Variants in MKLN1 observed in about 807,000 individuals in gnomAD.
MKLN1 encodes the protein muskelin.
In MKLN1, 18 loss-of-function variants were observed where a neutral mutation model predicts 99.0. The ratio of observed to expected loss-of-function variants is 0.18; its 90% CI spans 0.13 to 0.27. The LOEUF is 0.27. Ranked by LOEUF, MKLN1 falls within the 10% of genes least tolerant of loss-of-function variation. The probability of loss-of-function intolerance (pLI) is 1.00; values close to 1 mark genes in which losing one functional copy is unlikely to be tolerated. For missense variants in MKLN1, 621 were observed against 875.9 expected, an observed-to-expected ratio of 0.71 and a Z score of 3.67; for synonymous variants, 288 against 293.2, an observed-to-expected ratio of 0.98 and a Z score of 0.18.
At chr7:131,424,613 G>A (rs1225492139) in intron 8 of MKLN1, among the ~76,000 whole-genome samples, 1 of 150,480 alleles carries the variant, frequency 6.6e-6, no homozygotes, top group East Asian at 2.0e-4. Context: ...GGTACTACTG[G>A]TAGTCGGTAG....
intron 1 of MKLN1, among the ~76,000 whole-genome samples, chr7:131,329,626 C>T (rs1261451799): frequency 6.6e-6 from 1 of 152,166 alleles, no homozygotes; most frequent in Non-Finnish European, 1.5e-5. Context: ...CAGGACGTCA[C>T]TCCTTAAATT....
At chr7:131,342,020 T>C (rs1799421893) in intron 1 of MKLN1, among the ~76,000 whole-genome samples, 2 of 152,240 alleles carry the variant, frequency 1.3e-5, no homozygotes, top group Admixed American at 1.3e-4. Flanking sequence ...TTATGAATAA[T>C]GCTGCTATAA....
At chr7:131,209,627 G>A (rs1165668807) in intron 3 of MKLN1, among the ~76,000 whole-genome samples, 1 of 152,204 alleles carries the variant, frequency 6.6e-6, no homozygotes, top group Non-Finnish European at 1.5e-5. Context: ...CCAAATAGCT[G>A]TTCCTTTCTT....
intron 3 of MKLN1, among the ~76,000 whole-genome samples, chr7:131,206,838 G>A (rs1796819499): frequency 6.6e-6 from 1 of 152,104 alleles, no homozygotes; most frequent in South Asian, 2.1e-4. Context: ...TTATGGGCAT[G>A]AGCCCCCATG....
At chr7:131,211,568 T>C (rs917417773) in intron 3 of MKLN1, among the ~76,000 whole-genome samples, 3 of 152,008 alleles carry the variant, frequency 2.0e-5, no homozygotes, top group Middle Eastern at 3.2e-3. Context: ...CTTTTCACTT[T>C]GTCTTCCTGT....
At chr7:131,273,622 T>A (rs1035403739) in intron 3 of MKLN1, among the ~76,000 whole-genome samples, 1 of 150,742 alleles carries the variant, frequency 6.6e-6, no homozygotes, top group Admixed American at 6.6e-5. Context: ...GCTGACTTTT[T>A]TTTTCCTTTT....
At chr7:131,485,677 G>T (rs1032697607) in intron 17 of MKLN1, among the ~76,000 whole-genome samples, 1 of 152,052 alleles carries the variant, frequency 6.6e-6, no homozygotes, top group Non-Finnish European at 1.5e-5. Context: ...TATCACTTCT[G>T]TAGCATTCTT....
chr7:131,266,549 G>A (rs1797811522), intron 3 of MKLN1, among the ~76,000 whole-genome samples: 1 of 152,096 alleles, frequency 6.6e-6, no homozygotes, highest in South Asian at 2.1e-4. Flanking sequence ...ACTGAGAGAA[G>A]AGGTTGGGAA....
chr7:131,376,116 A>ATG (rs1199946942), intron 2 of MKLN1, among the ~76,000 whole-genome samples: 10 of 218 alleles, frequency 0.046, 1 homozygote, highest in African/African-American at 0.2. Flanking sequence ...ATATATATAT[A>ATG]TATATATATA....
At chr7:131,409,887 A>G (rs1469750244) in intron 6 of MKLN1, among the ~76,000 whole-genome samples, 1 of 152,186 alleles carries the variant, frequency 6.6e-6, no homozygotes, top group Non-Finnish European at 1.5e-5. Context: ...TCATCATTAT[A>G]GAATTGACTG....
intron 3 of MKLN1, among the ~76,000 whole-genome samples, chr7:131,247,872 T>TTTTTGTTTTTTG (rs1797516218): frequency 6.6e-6 from 1 of 151,534 alleles, no homozygotes; most frequent in East Asian, 2.0e-4. Flanking sequence ...GCTACTGCCT[T>TTTTTGTTTTTTG]TTTTGTTTTG....
intron 3 of MKLN1, among the ~76,000 whole-genome samples, chr7:131,388,587 T>C (rs889934581): frequency 6.6e-6 from 1 of 152,244 alleles, no homozygotes; most frequent in Non-Finnish European, 1.5e-5. Context: ...TATTCAGTTA[T>C]CCATTCAGGA....
At chr7:131,443,302 A>G (rs1189354367) in intron 10 of MKLN1, among the ~76,000 whole-genome samples, 179 bp from the exon 11 acceptor site, 2 of 152,230 alleles carry the variant, frequency 1.3e-5, no homozygotes, top group South Asian at 2.1e-4. Context: ...ACTGACAAAA[A>G]TGACAACTTG....
At chr7:131,390,119 T>A (rs181088464) in intron 4 of MKLN1, among the ~76,000 whole-genome samples, 43 of 152,268 alleles carry the variant, frequency 2.8e-4, no homozygotes, top group African/African-American at 9.4e-4. Context: ...CTCAAACAGT[T>A]CTGTAGGGCA....
rs1486264570 is a variant in MKLN1, at chr7:131,142,297, G to A, written c.-418-523G>A. On this transcript the variant is annotated intron_variant, in intron 1 of 7. Transcript: ENST00000416992. ...GTGGTGGTGTGTGCCTGTAATTCCA[G>A]CTACTCGGGGGGCTGAAGCAAGAGA... Among the ~76,000 whole-genome samples the A allele has an allele frequency of 3.3e-5, 5 of 152,160 alleles. No homozygotes were observed. In the South Asian group the frequency reaches 8.3e-4, roughly 25 times the overall value.
chr7:131,154,649 A>G, intron 2 of MKLN1, among the ~76,000 whole-genome samples: 1 of 152,194 alleles, frequency 6.6e-6, no homozygotes, highest in Non-Finnish European at 1.5e-5. Context: ...GATATGATAT[A>G]TGATATACAT....
chr7:131,203,731 C>T (rs1251477809), intron 3 of MKLN1, among the ~76,000 whole-genome samples: 1 of 152,142 alleles, frequency 6.6e-6, no homozygotes, highest in Non-Finnish European at 1.5e-5. Context: ...TGCCCTGCTC[C>T]TGCCTGGAGA....
chr7:131,162,336 A>C (rs1409945455), intron 2 of MKLN1, among the ~76,000 whole-genome samples: 4 of 152,170 alleles, frequency 2.6e-5, no homozygotes, highest in African/African-American at 9.7e-5. Context: ...TATAGGAATG[A>C]ACCAACACGC....
chr7:131,255,620 C>T (rs1797646413), intron 3 of MKLN1, among the ~76,000 whole-genome samples: 1 of 152,044 alleles, frequency 6.6e-6, no homozygotes, highest in Non-Finnish European at 1.5e-5. Flanking sequence ...GCTCTGTTGC[C>T]CAGGCTGGAG....
Sources: gnomAD v4.1 joint callset for allele counts (sites outside exome capture counted in the v4.1 genomes callset) on GRCh38, gnomAD v4.1.1 for gene constraint, MANE v1.5 for transcripts, NCBI Gene and HGNC (gene_info 2026-07-23, HGNC 2026-07-21) for gene names.